BEND7: variants seen among roughly 807,000 people sequenced by gnomAD.
BEND7 encodes BEN domain-containing protein 7.
A neutral mutation model predicts 50.9 loss-of-function variants in BEND7; 28 were observed. That is an observed-to-expected ratio of 0.55 (90% confidence interval 0.41 to 0.75). BEND7 has a LOEUF of 0.75. Ranked by LOEUF, BEND7 falls within the 30% of genes least tolerant of loss-of-function variation. The pLI, the probability that BEND7 is intolerant of heterozygous loss-of-function variation, is 0.00. For synonymous variants in BEND7, 170 were observed against 183.9 expected (o/e 0.92, Z 0.61); for missense variants, 477 against 491.3 (o/e 0.97, Z 0.28).
chr10:13,479,374 T>A (rs1478235071), intron 6 of BEND7, among the ~76,000 whole-genome samples: 1 of 151,580 alleles, frequency 6.6e-6, no homozygotes, highest in Admixed American at 6.6e-5. Flanking sequence ...GAAACCCACA[T>A]CGATCCACTT....
chr10:13,472,261 C>T (rs944945639), intron 6 of BEND7, among the ~76,000 whole-genome samples: 13 of 151,940 alleles, frequency 8.6e-5, no homozygotes, highest in Admixed American at 3.3e-4. Flanking sequence ...TATCCATCAT[C>T]GTTGTTAGAT....
At chr10:13,501,853 A>T (rs1165830115) in intron 2 of BEND7, among the ~76,000 whole-genome samples, 7 of 152,162 alleles carry the variant, frequency 4.6e-5, no homozygotes, top group Admixed American at 4.6e-4. Flanking sequence ...CTCAAAAAAA[A>T]AAAAAATCTT....
chr10:13,440,616 G>C (rs1234583546), downstream of BEND7, among the ~76,000 whole-genome samples: 2 of 152,248 alleles, frequency 1.3e-5, no homozygotes, highest in Admixed American at 1.3e-4. Context: ...CACGCCCGCG[G>C]GAGGCGGCGG....
intron 6 of BEND7, among the ~76,000 whole-genome samples, chr10:13,473,845 G>C (rs2131570986): frequency 6.7e-6 from 1 of 150,152 alleles, no homozygotes; most frequent in East Asian, 2.0e-4. Flanking sequence ...ACTCGGGGTT[G>C]ATACCCATCA....
At chr10:13,463,215 A>C (rs533236406) in intron 6 of BEND7, among the ~76,000 whole-genome samples, 1 of 152,356 alleles carries the variant, frequency 6.6e-6, no homozygotes, top group South Asian at 2.1e-4. Context: ...CCACAAGCTT[A>C]GCATTCCAAT....
intron 6 of BEND7, among the ~76,000 whole-genome samples, chr10:13,467,355 T>C (rs2074353972): frequency 6.6e-6 from 1 of 152,206 alleles, no homozygotes; most frequent in Non-Finnish European, 1.5e-5. Flanking sequence ...AGCCTAACTA[T>C]GGATTCCGTT....
chr10:13,518,179 C>T (rs1359015009), intron 2 of BEND7, among the ~76,000 whole-genome samples: 1 of 152,200 alleles, frequency 6.6e-6, no homozygotes, highest in Non-Finnish European at 1.5e-5. Flanking sequence ...CAATATATCA[C>T]ACTTTTCATT....
intron 4 of BEND7, among the ~76,000 whole-genome samples, chr10:13,496,459 TC>T (rs903749512): frequency 4.6e-5 from 7 of 152,156 alleles, no homozygotes; most frequent in Admixed American, 4.6e-4. Context: ...AAAGGACCCC[TC>T]CATACACAGT....
chr10:13,472,448 C>T (rs1229414000), intron 6 of BEND7, among the ~76,000 whole-genome samples: 1 of 151,708 alleles, frequency 6.6e-6, no homozygotes, highest in Admixed American at 6.6e-5. Context: ...TCTGTCATCG[C>T]TGTTAGATTT....
At chr10:13,486,367 G>A (rs1588889562) in intron 5 of BEND7, among the ~76,000 whole-genome samples, 1 of 152,302 alleles carries the variant, frequency 6.6e-6, no homozygotes, top group African/African-American at 2.4e-5. Context: ...TATAGCCCAT[G>A]AGGAGGGTAG....
Position 13,508,832 on chromosome 10 carries a change from T to A in BEND7, c.146-8752A>T, listed in dbSNP as rs543669539. On this transcript the variant is annotated intron_variant, in intron 2 of 8. Transcript: ENST00000466271. ...CAGCCTAGCACAGGAAACAAAAGAG[T>A]GTGTACACAGCTCTAAGAGTATAAT... is the stretch of plus-strand genomic sequence containing the variant. Among the ~76,000 whole-genome samples, 45 of 151,750 alleles carry A rather than the reference T, an allele frequency of 3.0e-4. 1 individual carries two copies. In the South Asian group the frequency reaches 9.4e-3, roughly 32 times the overall value.
At chr10:13,503,341 G>C (rs2077621034) in intron 2 of BEND7, among the ~76,000 whole-genome samples, 1 of 152,208 alleles carries the variant, frequency 6.6e-6, no homozygotes, top group Admixed American at 6.5e-5. Context: ...GAAGAGGGCA[G>C]AAGGCCAGAA....
chr10:13,480,993 C>G lies in BEND7; in HGVS notation c.969G>C (p.Lys323Asn). The G allele has an allele frequency of 1.2e-6, 2 of 1,614,128 alleles. No individual in the cohort carries two copies. The highest frequency in any genetic ancestry group is 1.7e-6 in the Non-Finnish European group (2 of 1,180,020). The change falls in exon 6 of 9, where the codon AAG becomes AAC. Residue 323 changes from lysine (K) to asparagine (N), a missense_variant. Lys to Asn is a moderately conservative substitution (Grantham distance 94). Transcript: ENST00000466271. The part of the protein sequence containing the change: ...RKLVCAFFDD[K>N]TLANSLPNGK... ...CATTGGGTAAGGAGTTAGCCAAAGT[C>G]TTGTCATCAAAAAACGCACACACCA...
At chr10:13,458,606 G>C (rs1839543425) in intron 6 of BEND7, among the ~76,000 whole-genome samples, 1 of 152,204 alleles carries the variant, frequency 6.6e-6, no homozygotes, top group Non-Finnish European at 1.5e-5. Flanking sequence ...TCAAATCAAG[G>C]TTTACATCAT....
At chr10:13,508,524 G>A (rs193277168) in intron 2 of BEND7, among the ~76,000 whole-genome samples, 1 of 152,258 alleles carries the variant, frequency 6.6e-6, no homozygotes, top group African/African-American at 2.4e-5. Context: ...TCATTTAATT[G>A]GATGAATCAA....
chr10:13,515,279 G>T (rs1290603323), intron 2 of BEND7, among the ~76,000 whole-genome samples: 9 of 152,140 alleles, frequency 5.9e-5, no homozygotes, highest in Non-Finnish European at 1.2e-4. Flanking sequence ...CGATTTTATG[G>T]AACTATAAAA....
chr10:13,477,273 C>T (rs1445750701), intron 6 of BEND7, among the ~76,000 whole-genome samples: 1 of 152,146 alleles, frequency 6.6e-6, no homozygotes, highest in Non-Finnish European at 1.5e-5. Context: ...GATAATAGGA[C>T]TTTTCAAATT....
At chr10:13,523,145 TC>T (rs1174993802) in intron 2 of BEND7, among the ~76,000 whole-genome samples, 14 of 152,232 alleles carry the variant, frequency 9.2e-5, no homozygotes, top group Non-Finnish European at 1.5e-4. Context: ...GTTCAGAGTA[TC>T]TTCTATAAAG....
intron 3 of BEND7, among the ~76,000 whole-genome samples, chr10:13,498,536 TTTA>T (rs1332265582): frequency 6.6e-6 from 1 of 152,158 alleles, no homozygotes; most frequent in African/African-American, 2.4e-5. Context: ...TGATGTGGGG[TTTA>T]TTAACTTCAT....
Sources: allele counts gnomAD v4.1 joint callset (sites outside exome capture counted in the v4.1 genomes callset), GRCh38; gene constraint gnomAD v4.1.1; transcripts MANE v1.5; gene names NCBI Gene and HGNC (gene_info 2026-07-23, HGNC 2026-07-21).